Variants in MGMT observed in about 807,000 individuals in gnomAD.
MGMT encodes O-6-methylguanine-DNA methyltransferase.
In MGMT, 14 loss-of-function variants were observed where a neutral mutation model predicts 15.9. The ratio of observed to expected loss-of-function variants is 0.88; its 90% CI spans 0.58 to 1.37. MGMT has a LOEUF of 1.37. Ranked by LOEUF, MGMT falls within the 40% of genes most tolerant of loss-of-function variation. The pLI is 0.00. For synonymous variants in MGMT, 130 were observed against 118.2 expected, an observed-to-expected ratio of 1.10 and a Z score of -0.65; for missense variants, 282 against 268.1, an observed-to-expected ratio of 1.05 and a Z score of -0.36.
chr10:129,710,417 G>T (rs1372017230), intron 3 of MGMT, among the ~76,000 whole-genome samples: 2 of 152,238 alleles, frequency 1.3e-5, no homozygotes, highest in African/African-American at 2.4e-5. Context: ...TTCTCTCGAG[G>T]GTAGGGGCTG....
chr10:129,638,463 T>G (rs369910797), intron 2 of MGMT, among the ~76,000 whole-genome samples: 4 of 84,116 alleles, frequency 4.8e-5, no homozygotes, highest in Non-Finnish European at 5.2e-5. Flanking sequence ...AAAAGAAAAA[T>G]AACTGACGTC....
intron 1 of MGMT, among the ~76,000 whole-genome samples, chr10:129,524,582 C>CTTTTTTTT (rs66701664): frequency 4.4e-5 from 3 of 68,058 alleles, no homozygotes; most frequent in Non-Finnish European, 5.4e-5. Context: ...TCCAAAAAGA[C>CTTTTTTTT]TTTTTTTTTT....
chr10:129,708,159 A>C, intron 3 of MGMT, 116 bp downstream of exon 3: 1 of 1,384,822 alleles, frequency 7.2e-7, no homozygotes, highest in South Asian at 1.4e-5. Context: ...CATCAGCTAA[A>C]CAGAGGCAGC....
intron 3 of MGMT, among the ~76,000 whole-genome samples, chr10:129,724,553 TAAAG>T (rs1171198488): frequency 2.0e-5 from 3 of 152,096 alleles, no homozygotes; most frequent in African/African-American, 7.2e-5. Context: ...AATTCCACCT[TAAAG>T]GAAAAAAGAA....
chr10:129,498,644 G>C (rs931342007), intron 1 of MGMT, among the ~76,000 whole-genome samples: 1 of 152,114 alleles, frequency 6.6e-6, no homozygotes, highest in African/African-American at 2.4e-5. Flanking sequence ...CTTGGGTTTG[G>C]CTCCTATGTC....
intron 2 of MGMT, among the ~76,000 whole-genome samples, chr10:129,585,366 A>G (rs1441842270): frequency 6.6e-6 from 1 of 152,208 alleles, no homozygotes; most frequent in Non-Finnish European, 1.5e-5. Context: ...TACAGAGTAT[A>G]CATACAGTAG....
intron 1 of MGMT, among the ~76,000 whole-genome samples, chr10:129,507,675 T>G (rs1375171030): frequency 6.6e-6 from 1 of 152,216 alleles, no homozygotes; most frequent in Non-Finnish European, 1.5e-5. Flanking sequence ...TTGCAGAGCC[T>G]CTGGTGAGTG....
In MGMT at chr10:129,566,434, G is replaced by A. The variant is rs1733046842; in HGVS notation, c.125+30057G>A. 6.6e-6 allele frequency among the ~76,000 whole-genome samples: 1 copy of A among 152,182 alleles called. No homozygotes were observed. The highest frequency in any genetic ancestry group is 2.4e-5 in the African/African-American group (1 of 41,432). Reference sequence around the variant, plus strand: ...CTCTGGGCGGATGTACCTTGGCTCTGCCTGGACCCTCTCTCTCTTCCAGGC... The same window carrying A: ...CTCTGGGCGGATGTACCTTGGCTCTACCTGGACCCTCTCTCTCTTCCAGGC... On this transcript the variant is annotated intron_variant, in intron 2 of 4. Coordinates refer to ENST00000651593, the MANE Select transcript of MGMT (RefSeq NM_002412.5). This position sits in a 1 kb window ranked among gnomAD's most constrained non-coding sequence, Gnocchi z 4.1.
intron 2 of MGMT, among the ~76,000 whole-genome samples, chr10:129,562,420 C>T (rs1456805882): frequency 1.3e-5 from 2 of 152,160 alleles, no homozygotes; most frequent in African/African-American, 2.4e-5. Context: ...AAAACATGGA[C>T]GATTTTGTGA....
intron 1 of MGMT, among the ~76,000 whole-genome samples, chr10:129,471,665 C>T (rs1845232624): frequency 6.6e-6 from 1 of 152,108 alleles, no homozygotes; most frequent in Non-Finnish European, 1.5e-5. Flanking sequence ...TGGGTGCTGG[C>T]TAGAGAGGTC....
chr10:129,758,752 T>C (rs1202632739), intron 3 of MGMT, among the ~76,000 whole-genome samples: 1 of 152,166 alleles, frequency 6.6e-6, no homozygotes, highest in African/African-American at 2.4e-5. Context: ...CGGCATAATA[T>C]CGCAGCCTGG....
In MGMT at chr10:129,542,793, C is replaced by T. The variant is rs144590884; in HGVS notation, c.125+6416C>T. ...GAATGCCCTGGCGAGCCTGGAACCC[C>T]TTGTTCTTGCCCCTGCTGGCTCTGC... On this transcript the variant is annotated intron_variant, in intron 2 of 4. Transcript: ENST00000651593. Among the ~76,000 whole-genome samples the T allele has an allele frequency of 1.4e-3, 208 of 152,294 alleles. 1 individual carries two copies. Among genetic ancestry groups the T allele is most frequent in the African/African-American group, 4.2e-3 (175 of 41,570 alleles).
intron 2 of MGMT, among the ~76,000 whole-genome samples, chr10:129,657,729 C>CACACACACACACACACACACACACA (rs1564750921): frequency 9.0e-5 from 11 of 122,352 alleles, no homozygotes; most frequent in East Asian, 2.3e-4. Context: ...ACACACACAC[C>CACACACACACACACACACACACACA]CCCTCTCCCC....
intron 2 of MGMT, among the ~76,000 whole-genome samples, chr10:129,661,213 CTT>C (rs563790917): frequency 1.1e-4 from 16 of 146,478 alleles, no homozygotes; most frequent in Non-Finnish European, 1.8e-4. Context: ...TTATTTCCAA[CTT>C]TTTTTTTTTG....
chr10:129,721,454 A>C (rs2133154745), intron 3 of MGMT, among the ~76,000 whole-genome samples: 1 of 152,392 alleles, frequency 6.6e-6, no homozygotes, highest in African/African-American at 2.4e-5. Flanking sequence ...AAGTTGAACA[A>C]ATTTCAGATA....
intron 3 of MGMT, among the ~76,000 whole-genome samples, chr10:129,718,142 G>T (rs1848321190): frequency 6.6e-6 from 1 of 152,204 alleles, no homozygotes; most frequent in Non-Finnish European, 1.5e-5. Context: ...TTTAAGGCCA[G>T]GACTTCTAAT....
chr10:129,762,910 G>C (rs990867613), intron 4 of MGMT, among the ~76,000 whole-genome samples: 1 of 152,102 alleles, frequency 6.6e-6, no homozygotes, highest in Non-Finnish European at 1.5e-5. Flanking sequence ...GGTGTCACTT[G>C]TTCACCAGGA....
intron 2 of MGMT, among the ~76,000 whole-genome samples, chr10:129,662,133 G>T (rs894616516): frequency 1.3e-5 from 2 of 152,012 alleles, no homozygotes; most frequent in Admixed American, 1.3e-4. Context: ...GGACACGGGA[G>T]GCAGAATCAT....
At chr10:129,476,039 C>A (rs80128301) in intron 1 of MGMT, among the ~76,000 whole-genome samples, 4,707 of 152,310 alleles carry the variant, frequency 0.031, 189 homozygotes, top group African/African-American at 0.086. Flanking sequence ...TCCCTGCCTC[C>A]CTCGGCTCTC....
Sources: gnomAD v4.1 joint callset for allele counts (sites outside exome capture counted in the v4.1 genomes callset) on GRCh38, gnomAD v4.1.1 for gene constraint, Gnocchi (gnomAD v3.1) non-coding constraint, MANE v1.5 for transcripts, NCBI Gene and HGNC (gene_info 2026-07-23, HGNC 2026-07-21) for gene names.